PIKFYVE: variants seen among roughly 807,000 people sequenced by gnomAD.
The protein encoded by PIKFYVE is phosphoinositide kinase, FYVE-type zinc finger containing, also known as 1-phosphatidylinositol 3-phosphate 5-kinase.
A neutral mutation model predicts 257.9 loss-of-function variants in PIKFYVE; 122 were observed. The ratio of observed to expected loss-of-function variants is 0.47; its 90% CI spans 0.41 to 0.55. The LOEUF is 0.55. Ranked by LOEUF, PIKFYVE falls within the 20% of genes least tolerant of loss-of-function variation. The pLI, the probability that PIKFYVE is intolerant of heterozygous loss-of-function variation, is 0.00. For synonymous variants in PIKFYVE, 892 were observed against 868.9 expected, an observed-to-expected ratio of 1.03 and a Z score of -0.47; for missense variants, 2,160 against 2,536.6, an observed-to-expected ratio of 0.85 and a Z score of 3.19.
At chr2:208,324,054 G>A in intron 17 of PIKFYVE, 88 bp from the exon 18 acceptor site, 1 of 1,436,042 alleles carries the variant, frequency 7.0e-7, no homozygotes, top group Non-Finnish European at 9.8e-7. Flanking sequence ...CTCCCATTCT[G>A]TAGGTTGCCT....
At chr2:208,351,809 T>C (rs1223586370) in intron 38 of PIKFYVE, among the ~76,000 whole-genome samples, 1 of 152,188 alleles carries the variant, frequency 6.6e-6, no homozygotes, top group Non-Finnish European at 1.5e-5. Flanking sequence ...CAAGAACTTA[T>C]TACTGCAAGG....
rs771542665 is a variant in PIKFYVE, at chr2:208,339,481, C to T, written c.4736C>T (p.Pro1579Leu). 1.2e-6 allele frequency: 2 copies of T among 1,614,112 alleles called. No homozygotes were observed. The highest frequency in any genetic ancestry group is 2.2e-5 in the East Asian group (1 of 44,864). Residue 1579 changes from proline to leucine, a missense_variant, in exon 30 of 42, where the codon CCT (proline) becomes CTT (leucine). Transcript: ENST00000264380. ...ACCAGTTCTACTCATCTCCAATTGC[C>T]TACGCCACCTGAAGTCATGTCTGAA... is the stretch of plus-strand genomic sequence containing the variant. ...SSTSSTHLQL[P>L]TPPEVMSEQS...
rs919075495 is a variant in PIKFYVE at position 208,358,699 on chromosome 2, T to G, written c.*3394T>G. 1.3e-5 allele frequency: 2 copies of G among 152,646 alleles called. No homozygotes were observed. The highest frequency in any genetic ancestry group is 4.8e-5 in the African/African-American group (2 of 41,448). 9.5% of individuals were successfully genotyped at this position (152,646 alleles called of 1,614,324 possible). On this transcript the variant is annotated 3_prime_UTR_variant, in exon 42 of 42. Transcript: ENST00000264380. ...ATAACTGCCTTGAACTTTTGGAGAC[T>G]TGTACTGTAAATAAAGAAATCTTAA...
intron 6 of PIKFYVE, among the ~76,000 whole-genome samples, chr2:208,287,144 T>C (rs986218623): frequency 6.6e-6 from 1 of 152,128 alleles, no homozygotes; most frequent in African/African-American, 2.4e-5. Context: ...GTCTAGGGAC[T>C]GAAATGTGGT....
chr2:208,273,205 C>T (rs1000818977), intron 2 of PIKFYVE, among the ~76,000 whole-genome samples: 2 of 152,166 alleles, frequency 1.3e-5, no homozygotes, highest in Admixed American at 1.3e-4. Flanking sequence ...TTAGTATGCT[C>T]AAGAAATTTC....
intron 7 of PIKFYVE, among the ~76,000 whole-genome samples, chr2:208,294,585 C>CT (rs1288436844): frequency 2.0e-5 from 3 of 152,146 alleles, no homozygotes; most frequent in Non-Finnish European, 4.4e-5. Context: ...CTGTGAATCA[C>CT]TGTCACAGGT....
Position 208,305,408 on chromosome 2 carries a change from A to C in PIKFYVE, c.1636+395A>C, listed in dbSNP as rs188318152. 2.8e-6 allele frequency: 3 copies of C among 1,081,260 alleles called. No homozygotes were observed. In the East Asian group the frequency reaches 2.1e-4, roughly 75 times the overall value. The allele number at this position is 1,081,260 out of a possible 1,614,324, so 67.0% of individuals were successfully genotyped here. The stretch of plus-strand genomic sequence containing the variant: ...TGCCTTTGCCGTTACCCAGTAACAT[A>C]ATATTTCACTAAACCCATTAAGATG... On this transcript the variant is annotated intron_variant, in intron 12 of 41. Transcript: ENST00000264380.
chr2:208,303,889 G>A (rs372266822), intron 10 of PIKFYVE, among the ~76,000 whole-genome samples: 4 of 152,142 alleles, frequency 2.6e-5, no homozygotes, highest in African/African-American at 9.7e-5. Flanking sequence ...TCACTCTCAG[G>A]ACTAAGGCAT....
intron 17 of PIKFYVE, among the ~76,000 whole-genome samples, chr2:208,322,939 T>C (rs1193671729): frequency 6.9e-6 from 1 of 144,828 alleles, no homozygotes; most frequent in Non-Finnish European, 1.5e-5. Context: ...AGTGAGAACA[T>C]GCGGTGTTTG....
At chr2:208,299,375 C>T (rs1033679071) in intron 8 of PIKFYVE, among the ~76,000 whole-genome samples, 8 of 151,728 alleles carry the variant, frequency 5.3e-5, no homozygotes, top group African/African-American at 4.8e-5. Flanking sequence ...CTGCAACCTC[C>T]GCCTCCCAGG....
At chr2:208,339,678 TG>T in intron 30 of PIKFYVE, 123 bp downstream of exon 30, 1 of 1,303,796 alleles carries the variant, frequency 7.7e-7, no homozygotes, top group South Asian at 1.3e-5. Flanking sequence ...AACAGATTCA[TG>T]CCTTGCTTTC....
intron 30 of PIKFYVE, among the ~76,000 whole-genome samples, 190 bp from the exon 31 acceptor site, chr2:208,339,821 G>T (rs1698533222): frequency 6.6e-6 from 1 of 152,162 alleles, no homozygotes; most frequent in Non-Finnish European, 1.5e-5. Flanking sequence ...TGGAGTCCAT[G>T]CTGTGTATGC....
chr2:208,318,968 A>AAG, intron 16 of PIKFYVE, among the ~76,000 whole-genome samples: 1 of 151,876 alleles, frequency 6.6e-6, no homozygotes, highest in African/African-American at 2.4e-5. Flanking sequence ...AAAAAAAAAA[A>AAG]AAAGTAGGCA....
At chr2:208,347,676 A>G (rs922638811) in intron 34 of PIKFYVE, among the ~76,000 whole-genome samples, 183 bp from the exon 35 acceptor site, 2 of 152,200 alleles carry the variant, frequency 1.3e-5, no homozygotes, top group African/African-American at 4.8e-5. Flanking sequence ...TGATTACGCA[A>G]AAACAACATG....
intron 31 of PIKFYVE, among the ~76,000 whole-genome samples, chr2:208,342,216 T>G (rs1698776515): frequency 6.6e-6 from 1 of 152,218 alleles, no homozygotes; most frequent in African/African-American, 2.4e-5. Flanking sequence ...ACTAGTAGTA[T>G]GTCTTCTCCA....
At chr2:208,287,520 C>T (rs147554881) in intron 6 of PIKFYVE, among the ~76,000 whole-genome samples, 384 of 151,888 alleles carry the variant, frequency 2.5e-3, no homozygotes, top group African/African-American at 3.5e-3. Flanking sequence ...GTGATCTACC[C>T]GCCTCGGCCT....
chr2:208,339,653 T>G lies in PIKFYVE; in HGVS notation c.4810+98T>G. On this transcript the variant is annotated intron_variant, in intron 30 of 41. Coordinates refer to ENST00000264380, the MANE Select transcript of PIKFYVE (RefSeq NM_015040.4). ...TTACAGCCATTTCTCTAAGGACAGA[T>G]ATTTGCTTCATAATAACAGATTCAT... is the stretch of plus-strand genomic sequence containing the variant. 9 of 1,455,562 alleles carry G rather than the reference T, an allele frequency of 6.2e-6. No individual in the cohort carries two copies. The East Asian group carries it at 1.7e-4, about 27-fold the overall frequency. 90.2% of individuals were successfully genotyped at this position (1,455,562 alleles called of 1,614,324 possible).
In PIKFYVE at chr2:208,306,516, G is replaced by A. The variant is rs543882418; in HGVS notation, c.1636+1503G>A. Among the ~76,000 whole-genome samples, 105 of 152,292 alleles carry A rather than the reference G, an allele frequency of 6.9e-4. 1 individual carries two copies. Among genetic ancestry groups the A allele is most frequent in the Middle Eastern group, 3.4e-3 (1 of 294 alleles). ...TGGTGATGATTTCATCTCTTGGAAT[G>A]TTAAAGAAGTTTTGAAAATCTTGAA... On this transcript the variant is annotated intron_variant, in intron 12 of 41. Coordinates refer to ENST00000264380, the MANE Select transcript of PIKFYVE (RefSeq NM_015040.4).
At chr2:208,323,681 A>G (rs896788314) in intron 17 of PIKFYVE, among the ~76,000 whole-genome samples, 1 of 152,210 alleles carries the variant, frequency 6.6e-6, no homozygotes, top group Non-Finnish European at 1.5e-5. Context: ...CTGAGGAATC[A>G]CCACACTGTC....
Sources: gnomAD v4.1 joint callset for allele counts (sites outside exome capture counted in the v4.1 genomes callset) on GRCh38, gnomAD v4.1.1 for gene constraint, MANE v1.5 for transcripts, NCBI Gene and HGNC (gene_info 2026-07-23, HGNC 2026-07-21) for gene names.